TTC21B: variants seen among roughly 807,000 people sequenced by gnomAD.
TTC21B encodes the protein tetratricopeptide repeat domain 21B.
TTC21B carries 127 observed loss-of-function variants against 175.1 expected under a neutral mutation model. That is an observed-to-expected ratio of 0.73 (90% CI 0.63 to 0.84). The LOEUF is 0.84. Among genes scored for constraint, TTC21B ranks in the 40% least tolerant of loss-of-function variants. The pLI is 0.00. For missense variants in TTC21B, 1,561 were observed against 1,558.3 expected, an observed-to-expected ratio of 1.00 and a Z score of -0.03; for synonymous variants, 524 against 524.5, an observed-to-expected ratio of 1.00 and a Z score of 0.01.
At position 165,930,211 on chromosome 2, in the gene TTC21B, C is replaced by A. The variant is rs752711108; in HGVS notation, c.1048G>T (p.Ala350Ser). The A allele has an allele frequency of 5.2e-5, 84 of 1,613,150 alleles. No individual in the cohort carries two copies. The highest frequency in any genetic ancestry group is 3.8e-4 in the South Asian group (35 of 91,018). The change falls in exon 9 of 29, where the codon GCC becomes TCC. Residue 350 changes from alanine to serine, a missense_variant. Transcript: ENST00000243344. ...ACACTAGTCTCATCAAGTGTCATGG[C>A]GGTCTTATACCACTTCAGTGCCTCT... ...VKEALKWYKTAMTLDETSVSA... is the reference protein window; with the variant it reads ...VKEALKWYKTSMTLDETSVSA...
chr2:165,908,437 T>C (rs1277127978), intron 18 of TTC21B, among the ~76,000 whole-genome samples: 1 of 152,156 alleles, frequency 6.6e-6, no homozygotes, highest in African/African-American at 2.4e-5. Context: ...ACGTGGTAAG[T>C]TCTATATAAA....
At chr2:165,917,520 A>G in intron 13 of TTC21B, 39 bp from the exon 14 acceptor site, 1 of 1,440,170 alleles carries the variant, frequency 6.9e-7, no homozygotes, top group South Asian at 1.1e-5. Context: ...GAGTGCTTAC[A>G]ACATCAACAC....
At chr2:165,882,248 T>C (rs1179386566) in intron 26 of TTC21B, among the ~76,000 whole-genome samples, 1 of 152,174 alleles carries the variant, frequency 6.6e-6, no homozygotes, top group African/African-American at 2.4e-5. Flanking sequence ...AAAATGTCTA[T>C]GATGAGAAAC....
At chr2:165,880,585 A>AT in intron 27 of TTC21B, 94 bp downstream of exon 27, 1 of 1,366,890 alleles carries the variant, frequency 7.3e-7, no homozygotes, top group Non-Finnish European at 1.0e-6. Flanking sequence ...CTCAATGTTT[A>AT]TTTTGTTTTG....
chr2:165,909,543 A>G (rs992893020), intron 18 of TTC21B, among the ~76,000 whole-genome samples: 1 of 152,172 alleles, frequency 6.6e-6, no homozygotes, highest in African/African-American at 2.4e-5. Flanking sequence ...AATAAGATAT[A>G]TAAACAAAAT....
chr2:165,893,465 T>C (rs1051173448), intron 22 of TTC21B, among the ~76,000 whole-genome samples: 3 of 152,210 alleles, frequency 2.0e-5, no homozygotes, highest in Non-Finnish European at 4.4e-5. Context: ...TTAGTTCAAG[T>C]TATAATTACC....
Position 165,915,286 on chromosome 2 carries a change from G to A in TTC21B, c.2053C>T (p.Pro685Ser). ...SILQNVTAEQ[P>S]YFIEAREKMA... ...TTTTCTCTGGCCTCTATAAAATAAG[G>A]CTGTTCGGCTGTAACATTCTGAAGG... The change falls in exon 15 of 29, where the codon CCT becomes TCT. Residue 685 changes from proline to serine, a missense_variant. Coordinates refer to ENST00000243344, the MANE Select transcript of TTC21B (RefSeq NM_024753.5). 6.2e-7 allele frequency: 1 copy of A among 1,613,958 alleles called. No homozygotes were observed. The highest frequency in any genetic ancestry group is 8.5e-7 in the Non-Finnish European group (1 of 1,179,980).
rs976070671 is a variant in TTC21B, at chr2:165,929,414, T to C, written c.1186-79A>G. 16 of 1,197,154 alleles carry C rather than the reference T, an allele frequency of 1.3e-5. No individual in the cohort carries two copies. The African/African-American group carries it at 2.1e-4, about 16-fold the overall frequency. 74.2% of individuals were successfully genotyped at this position (1,197,154 alleles called of 1,614,324 possible). A position where few individuals can be genotyped will look rare whatever the true frequency, so the allele number is the denominator to read the frequency against. On this transcript the variant is annotated intron_variant, in intron 10 of 28. Transcript: ENST00000243344. ...TTTCCACTTAGATTTCAAATGCATA[T>C]AATGTGCTACTGATATGCAATTATT...
chr2:165,881,477 ATGTC>A (rs1360579056), intron 26 of TTC21B, among the ~76,000 whole-genome samples: 6 of 152,226 alleles, frequency 3.9e-5, no homozygotes, highest in Non-Finnish European at 7.4e-5. Flanking sequence ...CCCTTCTGGT[ATGTC>A]TGTCTGTCTC....
chr2:165,906,103 A>G (rs1372480479), intron 19 of TTC21B, among the ~76,000 whole-genome samples: 2 of 152,136 alleles, frequency 1.3e-5, no homozygotes, highest in Non-Finnish European at 2.9e-5. Flanking sequence ...AGAAGCAATC[A>G]AAGTGAAAAT....
chr2:165,950,620 T>TTTGTC (rs1687732769), intron 1 of TTC21B, among the ~76,000 whole-genome samples: 1 of 152,078 alleles, frequency 6.6e-6, no homozygotes, highest in Non-Finnish European at 1.5e-5. Flanking sequence ...CTCTGGTTTG[T>TTTGTC]TTGTTTTGTT....
At chr2:165,918,273 A>C (rs1352508852) in intron 13 of TTC21B, among the ~76,000 whole-genome samples, 1 of 152,082 alleles carries the variant, frequency 6.6e-6, no homozygotes, top group Non-Finnish European at 1.5e-5. Flanking sequence ...GAAAACCACT[A>C]TCATAAGAAG....
chr2:165,892,194 G>C (rs1224399571), intron 22 of TTC21B, among the ~76,000 whole-genome samples: 2 of 152,034 alleles, frequency 1.3e-5, no homozygotes, highest in Admixed American at 6.6e-5. Flanking sequence ...GGATTTGTAG[G>C]GGACTTGTAA....
At chr2:165,945,373 G>A (rs1027370652) in intron 4 of TTC21B, 151 bp downstream of exon 4, 1 of 723,024 alleles carries the variant, frequency 1.4e-6, no homozygotes, top group Non-Finnish European at 2.3e-6. Context: ...TAACCATATT[G>A]ATAACCATAA....
chr2:165,900,057 T>C (rs1685503899), intron 20 of TTC21B, among the ~76,000 whole-genome samples, 177 bp from the exon 21 acceptor site: 1 of 130,278 alleles, frequency 7.7e-6, no homozygotes, highest in Admixed American at 8.4e-5. Flanking sequence ...TATTTTCTCT[T>C]ACACTAGAAA....
rs534360293 is a variant in TTC21B at position 165,945,705 on chromosome 2, T to C, written c.263-15A>G. On this transcript the variant is annotated splice_polypyrimidine_tract_variant and intron_variant, in intron 3 of 28. Transcript: ENST00000243344. Reference sequence around the variant, plus strand: ...AGCTTCTCTATCTGGTAGGGGAAAATGATATTAAATAAAAATTAAATTCTG... The same window carrying C: ...AGCTTCTCTATCTGGTAGGGGAAAACGATATTAAATAAAAATTAAATTCTG... The C allele has an allele frequency of 1.2e-5, 20 of 1,609,550 alleles. No individual in the cohort carries two copies. The highest frequency in any genetic ancestry group is 1.7e-5 in the Non-Finnish European group (20 of 1,178,638).
intron 5 of TTC21B, among the ~76,000 whole-genome samples, chr2:165,942,532 T>G (rs1687406805): frequency 6.6e-6 from 1 of 152,118 alleles, no homozygotes; most frequent in East Asian, 1.9e-4. Flanking sequence ...GGCCCACCAC[T>G]CCTCCTCACC....
intron 15 of TTC21B, 128 bp downstream of exon 15, chr2:165,915,073 C>T: frequency 1.3e-6 from 1 of 779,986 alleles, no homozygotes; most frequent in African/African-American, 1.7e-5. Flanking sequence ...TAGAAGGAAT[C>T]AGGACCACAT....
At chr2:165,908,762 A>G (rs969236120) in intron 18 of TTC21B, among the ~76,000 whole-genome samples, 2 of 152,258 alleles carry the variant, frequency 1.3e-5, no homozygotes, top group Admixed American at 6.5e-5. Flanking sequence ...TTACATAAAT[A>G]TAATATACCC....
Sources: gnomAD v4.1 joint callset for allele counts (sites outside exome capture counted in the v4.1 genomes callset) on GRCh38, gnomAD v4.1.1 for gene constraint, MANE v1.5 for transcripts, NCBI Gene and HGNC (gene_info 2026-07-23, HGNC 2026-07-21) for gene names.